Variants in CAPZB observed in about 807,000 individuals in gnomAD.
CAPZB encodes the protein capping actin protein of muscle Z-line subunit beta, also known as F-actin-capping protein subunit beta.
Under a neutral mutation model 38.1 loss-of-function variants are expected in CAPZB, and 2 were observed. That is an observed-to-expected ratio of 0.05 (90% CI 0.02 to 0.17). The LOEUF is 0.17. CAPZB is among the 10% of genes least tolerant of loss of function. The pLI, the probability that CAPZB is intolerant of heterozygous loss-of-function variation, is 1.00. For synonymous variants in CAPZB, 107 were observed against 127.4 expected (o/e 0.84, Z 1.08); for missense variants, 161 against 334.2 (o/e 0.48, Z 4.04).
At chr1:19,477,515 T>G (rs1171784515) in intron 1 of CAPZB, among the ~76,000 whole-genome samples, 4 of 152,234 alleles carry the variant, frequency 2.6e-5, no homozygotes, top group African/African-American at 4.8e-5. Context: ...TTAAGGCTCC[T>G]CCTTCCAGTT....
intron 1 of CAPZB, among the ~76,000 whole-genome samples, chr1:19,429,084 G>GA (rs893813306): frequency 2.0e-5 from 3 of 152,174 alleles, no homozygotes; most frequent in African/African-American, 7.2e-5. Context: ...ACAATGCAAT[G>GA]AACACAGCTA....
rs1226207824 is a variant in CAPZB at position 19,484,388 on chromosome 1, C to A, written c.3+1048G>T. 3 of 1,532,190 alleles carry A rather than the reference C, an allele frequency of 2.0e-6. No homozygotes were observed. The African/African-American group carries it at 4.1e-5, about 21-fold the overall frequency. The allele number at this position is 1,532,190 out of a possible 1,614,324, so 94.9% of individuals were successfully genotyped here. On this transcript the variant is annotated intron_variant, in intron 1 of 8. Transcript: ENST00000264202. ...GTCCTGTGGGCCACCCATCCTCGCC[C>A]CTCGGCTCCCACTCAGGCCCGGGCG...
chr1:19,437,755 G>A (rs1484989325), intron 1 of CAPZB, among the ~76,000 whole-genome samples: 4 of 152,148 alleles, frequency 2.6e-5, no homozygotes, highest in Admixed American at 1.3e-4. Flanking sequence ...CCAGCAAAGC[G>A]AGCCTCAAAA....
intron 1 of CAPZB, among the ~76,000 whole-genome samples, chr1:19,472,878 C>G (rs767835661): frequency 6.6e-6 from 1 of 151,884 alleles, no homozygotes; most frequent in Non-Finnish European, 1.5e-5. Context: ...CCATCACACC[C>G]GGCTAATTTT....
At chr1:19,454,854 A>G (rs530284874) in intron 1 of CAPZB, among the ~76,000 whole-genome samples, 37 of 152,380 alleles carry the variant, frequency 2.4e-4, no homozygotes, top group Admixed American at 4.6e-4. Context: ...GTTCATCTAA[A>G]TGATGTTTAA....
chr1:19,445,897 A>C (rs1396160333), intron 1 of CAPZB, among the ~76,000 whole-genome samples: 1 of 152,186 alleles, frequency 6.6e-6, no homozygotes, highest in Non-Finnish European at 1.5e-5. Context: ...AGAACAAAAC[A>C]ACCACTAGAG....
At chr1:19,382,055 C>T (rs1040757331) in intron 3 of CAPZB, among the ~76,000 whole-genome samples, 3 of 152,022 alleles carry the variant, frequency 2.0e-5, no homozygotes, top group East Asian at 1.9e-4. Context: ...TCCCACAGTT[C>T]GATGACAGCC....
At chr1:19,476,232 G>A (rs552928419) in intron 1 of CAPZB, among the ~76,000 whole-genome samples, 2 of 149,800 alleles carry the variant, frequency 1.3e-5, no homozygotes, top group African/African-American at 5.0e-5. Context: ...AGATAGGCAG[G>A]CAGGCAGGCA....
chr1:19,407,785 G>C (rs2094339311), intron 2 of CAPZB, among the ~76,000 whole-genome samples: 1 of 152,142 alleles, frequency 6.6e-6, no homozygotes, highest in South Asian at 2.1e-4. Context: ...ATGATAACCG[G>C]GGTCAGCTCC....
chr1:19,372,330 T>G (rs3790766), intron 4 of CAPZB, among the ~76,000 whole-genome samples: 103,860 of 152,140 alleles, frequency 0.68, 36,266 homozygotes, highest in African/African-American at 0.84. Flanking sequence ...TTCAGAGCAT[T>G]GGGCGAGATG....
intron 1 of CAPZB, among the ~76,000 whole-genome samples, chr1:19,438,984 T>C (rs2094467166): frequency 6.6e-6 from 1 of 152,226 alleles, no homozygotes; most frequent in Admixed American, 6.5e-5. Flanking sequence ...CCGTTTCCAA[T>C]CAATGATGGA....
At chr1:19,343,854 C>T (rs1012834051) in intron 8 of CAPZB, among the ~76,000 whole-genome samples, 31 of 152,268 alleles carry the variant, frequency 2.0e-4, no homozygotes, top group Non-Finnish European at 3.7e-4. Context: ...AGGCTGGGGC[C>T]CCCTGAGAAC....
At chr1:19,397,575 G>A (rs954127541) in intron 2 of CAPZB, among the ~76,000 whole-genome samples, 1 of 152,188 alleles carries the variant, frequency 6.6e-6, no homozygotes, top group Non-Finnish European at 1.5e-5. Flanking sequence ...GAAGTACTTG[G>A]CAAGATTGGT....
intron 4 of CAPZB, among the ~76,000 whole-genome samples, chr1:19,359,692 G>A (rs375268618): frequency 6.6e-6 from 1 of 152,222 alleles, no homozygotes; most frequent in Non-Finnish European, 1.5e-5. Flanking sequence ...TGAGCCCATC[G>A]CTGGTCAAAC....
Position 19,385,619 on chromosome 1 carries a change from C to G in CAPZB, c.101G>C (p.Ser34Thr), listed in dbSNP as rs1168451697. ...AGAAGACAGGAGATCCTCACATAGA[C>G]TGGGGACCTGGCAGAGAGAAAGGAC... The part of the protein sequence containing the change: ...NLSDLIDLVP[S>T]LCEDLLSSVD... Residue 34 changes from serine to threonine, a missense_variant, in exon 3 of 9, where the codon AGT becomes ACT. Ser to Thr is a moderately conservative substitution (Grantham distance 58, BLOSUM62 1). Coordinates refer to ENST00000264202, the MANE Select transcript of CAPZB (RefSeq NM_004930.5). 1 of 1,614,102 alleles carries G rather than the reference C, an allele frequency of 6.2e-7. No homozygotes were observed. Among genetic ancestry groups the G allele is most frequent in the Non-Finnish European group, 8.5e-7 (1 of 1,180,038 alleles).
At position 19,358,673 on chromosome 1, in the gene CAPZB, T is replaced by C. The variant is rs7517480; in HGVS notation, c.330-1110A>G. Among the ~76,000 whole-genome samples, 1,031 of 152,346 alleles carry C rather than the reference T, an allele frequency of 6.8e-3. 12 individuals are homozygous for C. The highest frequency in any genetic ancestry group is 0.023 in the African/African-American group (975 of 41,572). Reference sequence around the variant, plus strand: ...CCAACAAAAACTATGCGAAATCTCATTTCTTGTGGCGAAAGTCTGTAGCCT... The same window carrying C: ...CCAACAAAAACTATGCGAAATCTCACTTCTTGTGGCGAAAGTCTGTAGCCT... On this transcript the variant is annotated intron_variant, in intron 4 of 8. Transcript: ENST00000264202.
chr1:19,398,934 G>T (rs1244023976), intron 2 of CAPZB, among the ~76,000 whole-genome samples: 1 of 149,788 alleles, frequency 6.7e-6, no homozygotes, highest in Non-Finnish European at 1.5e-5. Context: ...CTCGAGTACC[G>T]CAACCTCCGC....
chr1:19,360,078 C>T (rs1363551599), intron 4 of CAPZB, among the ~76,000 whole-genome samples: 1 of 152,204 alleles, frequency 6.6e-6, no homozygotes, highest in Non-Finnish European at 1.5e-5. Flanking sequence ...GGATGGACTG[C>T]CCCTGCTGGA....
Position 19,427,520 on chromosome 1 carries a change from T to C in CAPZB, c.4-7770A>G, listed in dbSNP as rs2094427343. Among the ~76,000 whole-genome samples, 2 of 152,280 alleles carry C rather than the reference T, an allele frequency of 1.3e-5. 1 individual carries two copies. The highest frequency in any genetic ancestry group is 4.1e-4 in the South Asian group (2 of 4,836). ...AACTTTGTTTAAACGTCGAATCTGT[T>C]TTCTGCCATGTGGCCCGGGAACAGT... On this transcript the variant is annotated intron_variant, in intron 1 of 8. Coordinates refer to ENST00000264202, the MANE Select transcript of CAPZB (RefSeq NM_004930.5).
Sources: allele counts gnomAD v4.1 joint callset (sites outside exome capture counted in the v4.1 genomes callset), GRCh38; gene constraint gnomAD v4.1.1; transcripts MANE v1.5; gene names NCBI Gene and HGNC (gene_info 2026-07-23, HGNC 2026-07-21).